DTNA: variants seen among roughly 807,000 people sequenced by gnomAD.
DTNA encodes dystrobrevin alpha.
DTNA carries 43 observed loss-of-function variants against 100.7 expected under a neutral mutation model. The observed-to-expected ratio is 0.43, with a 90% confidence interval of 0.33 to 0.55. The LOEUF (loss-of-function observed/expected upper bound fraction) is 0.55, where lower values mean the gene tolerates loss of function less well. Among genes scored for constraint, DTNA ranks in the 20% least tolerant of loss-of-function variants. DTNA has a pLI of 0.04. For missense variants in DTNA, 798 were observed against 953.9 expected (o/e 0.84, Z 2.15); for synonymous variants, 349 against 347.9 (o/e 1.00, Z -0.04).
intron 1 of DTNA, among the ~76,000 whole-genome samples, chr18:34,543,785 A>T (rs890879582): frequency 2.6e-5 from 4 of 152,134 alleles, no homozygotes; most frequent in Non-Finnish European, 5.9e-5. Context: ...GCATACACAC[A>T]TACAAAGAAA....
chr18:34,786,693 C>G (rs2094521955), intron 3 of DTNA, among the ~76,000 whole-genome samples: 1 of 152,080 alleles, frequency 6.6e-6, no homozygotes, highest in Admixed American at 6.6e-5. Flanking sequence ...AATAGCAGAT[C>G]AACAGATTAT....
chr18:34,872,482 T>C (rs2096774912), intron 17 of DTNA, among the ~76,000 whole-genome samples: 1 of 152,256 alleles, frequency 6.6e-6, no homozygotes, highest in South Asian at 2.1e-4. Context: ...ATTTGGCATT[T>C]ATCTGATTTT....
chr18:34,678,606 G>T (rs549046150), intron 1 of DTNA, among the ~76,000 whole-genome samples: 2 of 152,074 alleles, frequency 1.3e-5, no homozygotes, highest in African/African-American at 2.4e-5. Flanking sequence ...ATAGTAACAC[G>T]CAGCCTGTGT....
chr18:34,689,394 C>G (rs2079399513), intron 1 of DTNA, among the ~76,000 whole-genome samples: 1 of 152,102 alleles, frequency 6.6e-6, no homozygotes, highest in South Asian at 2.1e-4. Context: ...TTCTAATAGT[C>G]AGGCCCCTCT....
chr18:34,766,279 T>C (rs2093462660), intron 3 of DTNA, among the ~76,000 whole-genome samples: 1 of 152,190 alleles, frequency 6.6e-6, no homozygotes, highest in South Asian at 2.1e-4. Context: ...ACTAAAAGGA[T>C]GAACCTCTGG....
In DTNA at chr18:34,498,442, T is replaced by TATAATAATAATA. The variant is rs58997432; in HGVS notation, c.-2+4958_-2+4969dup. Among the ~76,000 whole-genome samples the TATAATAATAATA allele has an allele frequency of 3.3e-3, 463 of 141,834 alleles. 1 individual carries two copies. The highest frequency in any genetic ancestry group is 5.4e-3 in the East Asian group (26 of 4,818). The allele number at this position is 141,834 out of a possible 152,430, so 93.0% of individuals were successfully genotyped here. A position where few individuals can be genotyped will look rare whatever the true frequency, so the allele number is the denominator to read the frequency against. ...AACGAGACTCCATCTCAGAAAATAA[T>TATAATAATAATA]ATAATAATAATAATAATAATAATAA... On this transcript the variant is annotated intron_variant, in intron 1 of 19. Coordinates refer to the DTNA transcript ENST00000283365.
chr18:34,586,260 C>A (rs765495725), intron 1 of DTNA, among the ~76,000 whole-genome samples: 2 of 152,168 alleles, frequency 1.3e-5, no homozygotes, highest in African/African-American at 2.4e-5. Flanking sequence ...AGGCTTGGTT[C>A]CCAATGTGGT....
At chr18:34,815,438 A>G (rs765384471) in intron 6 of DTNA, among the ~76,000 whole-genome samples, 14 of 152,182 alleles carry the variant, frequency 9.2e-5, no homozygotes, top group Non-Finnish European at 1.5e-4. Context: ...GTATAACAGA[A>G]CCATTCACAT....
intron 1 of DTNA, among the ~76,000 whole-genome samples, chr18:34,687,767 A>T (rs1247644175): frequency 6.6e-6 from 1 of 152,158 alleles, no homozygotes; most frequent in East Asian, 1.9e-4. Context: ...ATTGTGTGGG[A>T]ATATAGGTCT....
chr18:34,539,920 A>G (rs2044086525), intron 1 of DTNA, among the ~76,000 whole-genome samples: 1 of 151,840 alleles, frequency 6.6e-6, no homozygotes, highest in Non-Finnish European at 1.5e-5. Flanking sequence ...GGTAAAATTA[A>G]TTTATGCTAT....
intron 1 of DTNA, among the ~76,000 whole-genome samples, chr18:34,695,954 T>G (rs921512380): frequency 2.6e-5 from 4 of 152,190 alleles, no homozygotes; most frequent in Non-Finnish European, 4.4e-5. Context: ...ATTTTCCCTT[T>G]TCAAAGGCTC....
At chr18:34,603,322 A>C (rs923710455) in intron 1 of DTNA, among the ~76,000 whole-genome samples, 1 of 152,156 alleles carries the variant, frequency 6.6e-6, no homozygotes, top group South Asian at 2.1e-4. Flanking sequence ...ATTGCAGCTC[A>C]TGTAATACTT....
chr18:34,765,891 T>C (rs1376388721), intron 2 of DTNA, 70 bp from the exon 3 acceptor site: 1 of 1,486,884 alleles, frequency 6.7e-7, no homozygotes, highest in Admixed American at 1.7e-5. Flanking sequence ...ACAGTTGTTT[T>C]ATTTGTAAAC....
At chr18:34,778,394 G>C (rs1386341540) in intron 3 of DTNA, among the ~76,000 whole-genome samples, 2 of 152,112 alleles carry the variant, frequency 1.3e-5, no homozygotes, top group African/African-American at 4.8e-5. Context: ...TCTTTTTATA[G>C]CATATTTTAT....
At chr18:34,604,599 A>G (rs1232161703) in intron 1 of DTNA, among the ~76,000 whole-genome samples, 1 of 152,204 alleles carries the variant, frequency 6.6e-6, no homozygotes, top group East Asian at 1.9e-4. Flanking sequence ...AATTGTATTC[A>G]TATTCTGAAA....
At chr18:34,792,712 T>A (rs1419148779) in intron 3 of DTNA, among the ~76,000 whole-genome samples, 5 of 152,250 alleles carry the variant, frequency 3.3e-5, no homozygotes, top group Non-Finnish European at 7.3e-5. Context: ...CTGATGGGAA[T>A]GTAAGATGGT....
chr18:34,581,656 C>CT (rs1207752709), intron 1 of DTNA, among the ~76,000 whole-genome samples: 3 of 140,646 alleles, frequency 2.1e-5, no homozygotes, highest in East Asian at 4.1e-4. Flanking sequence ...GAGTCTTGCT[C>CT]TGTCACCAGG....
Position 34,697,244 on chromosome 18 carries a change from G to A in DTNA, c.-1-58732G>A, listed in dbSNP as rs185651696. Among the ~76,000 whole-genome samples the A allele has an allele frequency of 2.6e-5, 4 of 152,312 alleles. No homozygotes were observed. In the East Asian group the frequency reaches 7.7e-4, roughly 29 times the overall value. On this transcript the variant is annotated intron_variant, in intron 1 of 19. Transcript: ENST00000283365. ...CTCCATTTTCAGATGATGAAGTGGAGGCTCAGAAGGTTAACTTGCTCAAGG... is the reference window on the plus strand; with the variant it reads ...CTCCATTTTCAGATGATGAAGTGGAAGCTCAGAAGGTTAACTTGCTCAAGG...
intron 1 of DTNA, among the ~76,000 whole-genome samples, chr18:34,518,762 G>C (rs1276039071): frequency 6.7e-6 from 1 of 149,686 alleles, no homozygotes; most frequent in Non-Finnish European, 1.5e-5. Flanking sequence ...CTATGTGTGA[G>C]ACACTATTAG....
Sources: allele counts gnomAD v4.1 joint callset (sites outside exome capture counted in the v4.1 genomes callset), GRCh38; gene constraint gnomAD v4.1.1; transcripts MANE v1.5; gene names NCBI Gene and HGNC (gene_info 2026-07-23, HGNC 2026-07-21).